Variants in CSMD1 observed in about 807,000 individuals in gnomAD.
CSMD1 encodes the protein CUB and Sushi multiple domains 1.
A neutral mutation model predicts 417.5 loss-of-function variants in CSMD1; 213 were observed. The ratio of observed to expected loss-of-function variants is 0.51; its 90% confidence interval spans 0.46 to 0.57. The LOEUF (loss-of-function observed/expected upper bound fraction) is 0.57, where lower values mean the gene tolerates loss of function less well. CSMD1 is among the 20% of genes least tolerant of loss of function. The pLI is 0.00. For synonymous variants in CSMD1, 2,862 were observed against 1,736.8 expected (o/e 1.65, Z -16.11); for missense variants, 6,923 against 4,529.7 (o/e 1.53, Z -15.17).
At chr8:4,424,758 T>C (rs1265608078) in intron 2 of CSMD1, among the ~76,000 whole-genome samples, 1 of 152,128 alleles carries the variant, frequency 6.6e-6, no homozygotes, top group Non-Finnish European at 1.5e-5. Context: ...AAACTGTCCC[T>C]ATCTTCACCA....
intron 3 of CSMD1, among the ~76,000 whole-genome samples, chr8:4,271,288 G>A (rs974852786): frequency 6.6e-6 from 1 of 152,178 alleles, no homozygotes. Context: ...TGCCCTAACA[G>A]CAGGCAACCA....
chr8:3,722,751 A>T (rs1802261746), intron 6 of CSMD1, among the ~76,000 whole-genome samples: 1 of 152,228 alleles, frequency 6.6e-6, no homozygotes, highest in African/African-American at 2.4e-5. Flanking sequence ...TTCTAATATT[A>T]GCATTAATGC....
intron 26 of CSMD1, among the ~76,000 whole-genome samples, chr8:3,282,073 C>A (rs1186488): frequency 1.3e-5 from 2 of 152,286 alleles, no homozygotes; most frequent in African/African-American, 2.4e-5. Context: ...GTACAGCCTG[C>A]TGAGTTGTGA....
chr8:4,640,540 C>G (rs1803124699), intron 1 of CSMD1, among the ~76,000 whole-genome samples: 1 of 152,128 alleles, frequency 6.6e-6, no homozygotes, highest in African/African-American at 2.4e-5. Context: ...CTAATGGGCC[C>G]TTGCCTACTA....
At chr8:3,106,150 C>T (rs1430097908) in intron 46 of CSMD1, among the ~76,000 whole-genome samples, 2 of 150,148 alleles carry the variant, frequency 1.3e-5, no homozygotes, top group African/African-American at 2.5e-5. Context: ...ATCTGGGAAG[C>T]TGAGGCAGGT....
At chr8:4,533,092 G>T (rs1026267262) in intron 2 of CSMD1, among the ~76,000 whole-genome samples, 1 of 152,154 alleles carries the variant, frequency 6.6e-6, no homozygotes, top group East Asian at 1.9e-4. Flanking sequence ...TTTGGTTCTA[G>T]ATACATCATA....
intron 1 of CSMD1, among the ~76,000 whole-genome samples, chr8:4,877,289 G>A (rs183906492): frequency 4.3e-4 from 66 of 152,066 alleles, no homozygotes; most frequent in Non-Finnish European, 7.5e-4. Context: ...ACTATTACAG[G>A]AAATATAAGA....
intron 2 of CSMD1, among the ~76,000 whole-genome samples, chr8:4,478,790 A>G (rs764507075): frequency 2.0e-5 from 3 of 152,228 alleles, no homozygotes; most frequent in Non-Finnish European, 4.4e-5. Flanking sequence ...GGCATTCAAA[A>G]TATTTAAATA....
At chr8:3,770,257 G>A (rs1214416642) in intron 5 of CSMD1, among the ~76,000 whole-genome samples, 1 of 152,228 alleles carries the variant, frequency 6.6e-6, no homozygotes, top group African/African-American at 2.4e-5. Flanking sequence ...ACTGGGCACA[G>A]TGTCTCATGC....
intron 23 of CSMD1, among the ~76,000 whole-genome samples, chr8:3,335,864 A>AAC (rs1807229072): frequency 2.0e-5 from 3 of 152,130 alleles, no homozygotes; most frequent in Non-Finnish European, 4.4e-5. Context: ...AGAGAGGTGA[A>AAC]TTCATGGATG....
At chr8:3,432,990 C>G (rs990130583) in intron 12 of CSMD1, among the ~76,000 whole-genome samples, 3 of 152,062 alleles carry the variant, frequency 2.0e-5, no homozygotes, top group Admixed American at 2.0e-4. Flanking sequence ...TAGCAGATGG[C>G]ATACAAAATT....
At chr8:4,859,706 T>C (rs1230291432) in intron 1 of CSMD1, among the ~76,000 whole-genome samples, 1 of 151,782 alleles carries the variant, frequency 6.6e-6, no homozygotes, top group Admixed American at 6.6e-5. Context: ...AAAACCACAA[T>C]GAGATACCAT....
intron 1 of CSMD1, among the ~76,000 whole-genome samples, chr8:4,707,927 A>G (rs13281379): frequency 0.48 from 61,982 of 128,830 alleles, 15,063 homozygotes; most frequent in Admixed American, 0.6. Flanking sequence ...AAAAAAAAAA[A>G]AAGAGGGGAA....
chr8:4,780,516 C>T (rs4875383), intron 1 of CSMD1, among the ~76,000 whole-genome samples: 14,282 of 152,102 alleles, frequency 0.094, 867 homozygotes, highest in East Asian at 0.33. Flanking sequence ...AAAAGAGAAA[C>T]GAACCTGCCT....
intron 11 of CSMD1, among the ~76,000 whole-genome samples, chr8:3,476,369 T>C (rs189395914): frequency 6.3e-4 from 96 of 152,330 alleles, no homozygotes; most frequent in Non-Finnish European, 1.5e-4. Context: ...CAAAGAATAT[T>C]CACAATGTTT....
chr8:4,097,929 G>A (rs1563120629), intron 3 of CSMD1, among the ~76,000 whole-genome samples: 1 of 152,122 alleles, frequency 6.6e-6, no homozygotes, highest in Non-Finnish European at 1.5e-5. Flanking sequence ...TCATATGAAG[G>A]TAAAGTTAAT....
chr8:3,331,942 G>A (rs1284959448), intron 23 of CSMD1, among the ~76,000 whole-genome samples: 4 of 152,256 alleles, frequency 2.6e-5, no homozygotes, highest in Non-Finnish European at 4.4e-5. Flanking sequence ...ATAATAGATA[G>A]CTAGATAGAT....
chr8:4,004,066 G>C (rs543289045), intron 4 of CSMD1, among the ~76,000 whole-genome samples: 4 of 152,222 alleles, frequency 2.6e-5, no homozygotes, highest in African/African-American at 2.4e-5. Context: ...AGGGTATAAT[G>C]TCTGATCTGT....
intron 3 of CSMD1, among the ~76,000 whole-genome samples, chr8:4,293,424 A>T (rs905019025): frequency 6.6e-6 from 1 of 152,238 alleles, no homozygotes; most frequent in Non-Finnish European, 1.5e-5. Flanking sequence ...CTACGGCTAA[A>T]AAGTGTTTTA....
Sources: gnomAD v4.1 joint callset for allele counts (sites outside exome capture counted in the v4.1 genomes callset) on GRCh38, gnomAD v4.1.1 for gene constraint, MANE v1.5 for transcripts, NCBI Gene and HGNC (gene_info 2026-07-23, HGNC 2026-07-21) for gene names.